MORC3: variants seen among roughly 807,000 people sequenced by gnomAD.
MORC3 encodes the protein MORC family CW-type zinc finger protein 3.
MORC3 carries 31 observed loss-of-function variants against 109.1 expected under a neutral mutation model. The observed-to-expected ratio is 0.28, with a 90% confidence interval of 0.21 to 0.38. MORC3 has a LOEUF of 0.38. Among genes scored for constraint, MORC3 ranks in the 10% least tolerant of loss-of-function variants. The pLI, the probability that MORC3 is intolerant of heterozygous loss-of-function variation, is 1.00. For synonymous variants in MORC3, 395 were observed against 380.7 expected (o/e 1.04, Z -0.44); for missense variants, 867 against 1,135.8 (o/e 0.76, Z 3.40).
chr21:36,355,476 G>A (rs1272103789), intron 9 of MORC3, among the ~76,000 whole-genome samples: 1 of 152,134 alleles, frequency 6.6e-6, no homozygotes, highest in Non-Finnish European at 1.5e-5. Context: ...AGGCTTAAGG[G>A]TTAGCATCTT....
At chr21:36,327,119 C>G (rs1230138930) in intron 1 of MORC3, among the ~76,000 whole-genome samples, 1 of 140,024 alleles carries the variant, frequency 7.1e-6, no homozygotes, top group East Asian at 2.3e-4. Context: ...CGCCTGGCCT[C>G]AAATTTAAAT....
At chr21:36,359,528 CTCTTT>C (rs1002800228) in intron 10 of MORC3, among the ~76,000 whole-genome samples, 1 of 143,110 alleles carries the variant, frequency 7.0e-6, no homozygotes, top group Non-Finnish European at 1.5e-5. Context: ...CTTGCCTTTT[CTCTTT>C]TCTTTTCCTT....
At chr21:36,336,492 C>T (rs1262466119) in intron 2 of MORC3, among the ~76,000 whole-genome samples, 2 of 152,182 alleles carry the variant, frequency 1.3e-5, no homozygotes, top group Admixed American at 1.3e-4. Flanking sequence ...GATCTGCCCG[C>T]CTCAGCCTCC....
intron 6 of MORC3, 66 bp from the exon 7 acceptor site, chr21:36,344,513 A>G: frequency 6.5e-7 from 1 of 1,532,868 alleles, no homozygotes; most frequent in Non-Finnish European, 8.8e-7. Flanking sequence ...GCTTCTGTGT[A>G]AATCCATGTC....
intron 8 of MORC3, among the ~76,000 whole-genome samples, chr21:36,347,037 GGGGCAAATAACAA>G (rs1424743525): frequency 6.6e-6 from 1 of 150,902 alleles, no homozygotes; most frequent in Admixed American, 6.6e-5. Flanking sequence ...CAAAGAAATT[GGGGCAAATAACAA>G]ATAGATGAAG....
At chr21:36,359,555 CCTTTT>C (rs1187707651) in intron 10 of MORC3, among the ~76,000 whole-genome samples, 1 of 130,090 alleles carries the variant, frequency 7.7e-6, no homozygotes, top group African/African-American at 2.9e-5. Context: ...CCTTTCCTCT[CCTTTT>C]TTTTTTTTTT....
intron 6 of MORC3, among the ~76,000 whole-genome samples, chr21:36,342,548 G>T (rs1030094588): frequency 6.6e-6 from 1 of 151,932 alleles, no homozygotes; most frequent in Non-Finnish European, 1.5e-5. Flanking sequence ...GACTGCAGGC[G>T]TGTGCCACCA....
At chr21:36,357,782 C>T (rs1457604005) in intron 10 of MORC3, among the ~76,000 whole-genome samples, 2 of 149,658 alleles carry the variant, frequency 1.3e-5, no homozygotes, top group African/African-American at 4.9e-5. Flanking sequence ...ACTCTGTCAC[C>T]CAGGCTGAAG....
At chr21:36,334,062 C>T in intron 2 of MORC3, among the ~76,000 whole-genome samples, 1 of 152,056 alleles carries the variant, frequency 6.6e-6, no homozygotes, top group East Asian at 1.9e-4. Context: ...GCTGGGATTA[C>T]AGGTGTGAGC....
intron 8 of MORC3, chr21:36,347,990 A>G (rs1299210265): frequency 6.6e-6 from 1 of 152,242 alleles, no homozygotes; most frequent in African/African-American, 2.4e-5. Flanking sequence ...GGTTTTTAAT[A>G]GAGCAGAATT....
intron 9 of MORC3, among the ~76,000 whole-genome samples, chr21:36,356,406 T>G (rs182650609): frequency 0.01 from 1,594 of 152,252 alleles, 27 homozygotes; most frequent in African/African-American, 0.037. Context: ...TTGTTATAAC[T>G]CTCTAAAAAA....
intron 2 of MORC3, 91 bp downstream of exon 2, chr21:36,333,809 G>T: frequency 2.9e-6 from 3 of 1,046,012 alleles, no homozygotes; most frequent in Non-Finnish European, 4.2e-6. Flanking sequence ...TTTAAACAGA[G>T]TCTCTCTCTG....
intron 13 of MORC3, 23 bp from the exon 14 acceptor site, chr21:36,364,070 G>T (rs764082172): frequency 6.2e-7 from 1 of 1,607,542 alleles, no homozygotes; most frequent in Non-Finnish European, 8.5e-7. Flanking sequence ...TTCCTTTAAG[G>T]TGATGATTTT....
intron 8 of MORC3, 139 bp downstream of exon 8, chr21:36,345,170 A>C: frequency 1.1e-6 from 1 of 912,112 alleles, no homozygotes; most frequent in Non-Finnish European, 1.6e-6. Context: ...GTAAAAAATA[A>C]CACTGTGGTA....
intron 15 of MORC3, among the ~76,000 whole-genome samples, chr21:36,371,724 T>C (rs1359627184): frequency 6.6e-6 from 1 of 152,138 alleles, no homozygotes; most frequent in East Asian, 1.9e-4. Context: ...AACTTAATTA[T>C]AAGCTGATGA....
At position 36,364,172 on chromosome 21, in the gene MORC3, GAC is replaced by G; in HGVS notation, c.1534_1535del (p.His512SerfsTer15). The G allele has an allele frequency of 6.2e-7, 1 of 1,614,122 alleles. No homozygotes were observed. Among genetic ancestry groups the G allele is most frequent in the Non-Finnish European group, 8.5e-7 (1 of 1,180,000 alleles). On this transcript the variant is annotated frameshift_variant, in exon 14 of 17. Coordinates refer to ENST00000400485, the MANE Select transcript of MORC3 (RefSeq NM_015358.3). LOFTEE classifies it high-confidence loss of function. ...TCTCCTAAGGAAAGTGTTCCAAGAA[GAC>G]ATCTTTCAGAAGGAACAAATTCTTA...
At chr21:36,358,534 T>C (rs2085672999) in intron 10 of MORC3, among the ~76,000 whole-genome samples, 1 of 152,126 alleles carries the variant, frequency 6.6e-6, no homozygotes, top group East Asian at 1.9e-4. Flanking sequence ...GGCAGAAGGA[T>C]TGCTTGAACT....
At chr21:36,367,154 T>C (rs1053817385) in intron 14 of MORC3, among the ~76,000 whole-genome samples, 2 of 152,204 alleles carry the variant, frequency 1.3e-5, no homozygotes, top group Non-Finnish European at 2.9e-5. Context: ...GAATTTACTT[T>C]ATGGAGCAGT....
intron 5 of MORC3, chr21:36,339,501 C>CAAAAAAAAAAAAAAAAAAAAAA (rs55863855): frequency 5.9e-5 from 6 of 101,474 alleles, no homozygotes; most frequent in East Asian, 3.1e-4. Flanking sequence ...CCCGTCTTCT[C>CAAAAAAAAAAAAAAAAAAAAAA]AAAAAAAAAA....
Sources: gnomAD v4.1 joint callset for allele counts (sites outside exome capture counted in the v4.1 genomes callset) on GRCh38, gnomAD v4.1.1 for gene constraint, MANE v1.5 for transcripts, NCBI Gene and HGNC (gene_info 2026-07-23, HGNC 2026-07-21) for gene names.